The following JARID2 variants were observed in gnomAD, a reference collection of about 807,000 sequenced individuals.
JARID2 encodes the protein jumonji and AT-rich interaction domain containing 2.
JARID2 carries 21 observed loss-of-function variants against 125.6 expected under a neutral mutation model. That is an observed-to-expected ratio of 0.17 (90% CI 0.12 to 0.24). The LOEUF (loss-of-function observed/expected upper bound fraction) is 0.24. Ranked by LOEUF, JARID2 falls within the 10% of genes least tolerant of loss-of-function variation. The pLI, the probability that JARID2 is intolerant of heterozygous loss-of-function variation, is 1.00. For missense variants in JARID2, 1,303 were observed against 1,639.6 expected (o/e 0.79, Z 3.55); for synonymous variants, 736 against 661.6 (o/e 1.11, Z -1.73).
intron 6 of JARID2, among the ~76,000 whole-genome samples, chr6:15,491,441 G>C (rs1770145898): frequency 6.6e-6 from 1 of 152,208 alleles, no homozygotes; most frequent in Middle Eastern, 3.2e-3. Context: ...TTTCGCTTCT[G>C]TTTAGGCTCT....
chr6:15,317,818 G>A (rs1028410908), intron 1 of JARID2, among the ~76,000 whole-genome samples: 2 of 152,182 alleles, frequency 1.3e-5, no homozygotes, highest in Admixed American at 6.5e-5. Context: ...CAGCTGGCGC[G>A]TGGAGAGCCG....
At chr6:15,497,316 T>C (rs1770497674) in intron 7 of JARID2, 146 bp downstream of exon 7, 2 of 673,180 alleles carry the variant, frequency 3.0e-6, no homozygotes, top group African/African-American at 3.6e-5. Context: ...TCTCAGCTCA[T>C]TCCCCCTGCA....
chr6:15,379,631 C>T (rs1158149682), intron 2 of JARID2, among the ~76,000 whole-genome samples: 2 of 152,210 alleles, frequency 1.3e-5, no homozygotes, highest in Non-Finnish European at 2.9e-5. Context: ...GATTCATTTC[C>T]TTAAACTTAC....
chr6:15,384,870 T>G (rs1764726128), intron 2 of JARID2, among the ~76,000 whole-genome samples: 1 of 152,150 alleles, frequency 6.6e-6, no homozygotes, highest in Admixed American at 6.5e-5. Flanking sequence ...ACTTCACTAG[T>G]CCTTAGTGAA....
At chr6:15,301,794 G>C (rs1761634116) in intron 1 of JARID2, among the ~76,000 whole-genome samples, 1 of 152,174 alleles carries the variant, frequency 6.6e-6, no homozygotes, top group African/African-American at 2.4e-5. Flanking sequence ...TGGTATGTTG[G>C]TAAACATGTT....
intron 1 of JARID2, among the ~76,000 whole-genome samples, chr6:15,372,895 G>T (rs1183911502): frequency 6.6e-6 from 1 of 151,820 alleles, no homozygotes; most frequent in Non-Finnish European, 1.5e-5. Flanking sequence ...TTTTAGTAGA[G>T]ATGGGATTTC....
At chr6:15,472,373 C>A (rs769263924) in intron 5 of JARID2, among the ~76,000 whole-genome samples, 1 of 152,164 alleles carries the variant, frequency 6.6e-6, no homozygotes, top group Non-Finnish European at 1.5e-5. Context: ...ACTAACTTCA[C>A]TGAAATGTAC....
intron 1 of JARID2, among the ~76,000 whole-genome samples, chr6:15,346,704 G>A (rs10452596): frequency 1.0e-3 from 154 of 151,652 alleles, no homozygotes; most frequent in African/African-American, 3.3e-3. Context: ...TGACCAGCTT[G>A]TAGTGGTCAA....
chr6:15,392,594 G>A (rs192434157), intron 2 of JARID2, among the ~76,000 whole-genome samples: 13 of 151,142 alleles, frequency 8.6e-5, no homozygotes, highest in Admixed American at 7.3e-4. Flanking sequence ...TGTTGGAAAC[G>A]TTCTGTGTCT....
At chr6:15,401,934 T>C (rs916571072) in intron 2 of JARID2, among the ~76,000 whole-genome samples, 5 of 147,376 alleles carry the variant, frequency 3.4e-5, no homozygotes, top group East Asian at 2.1e-4. Context: ...TTGAATGGAC[T>C]ACTTAATCCT....
intron 3 of JARID2, among the ~76,000 whole-genome samples, chr6:15,450,461 C>T (rs532176022): frequency 2.0e-5 from 3 of 152,144 alleles, no homozygotes; most frequent in Non-Finnish European, 4.4e-5. Context: ...TGAACCACTG[C>T]GCCCGGCACT....
At chr6:15,452,970 C>CT (rs1195590942) in intron 4 of JARID2, among the ~76,000 whole-genome samples, 2 of 152,132 alleles carry the variant, frequency 1.3e-5, no homozygotes, top group South Asian at 2.1e-4. Flanking sequence ...GTGGGAAAAC[C>CT]TTGAGGTTCA....
intron 13 of JARID2, 60 bp downstream of exon 13, chr6:15,511,461 A>G (rs1027477134): frequency 3.9e-5 from 44 of 1,119,890 alleles, no homozygotes; most frequent in East Asian, 7.1e-5. Flanking sequence ...GCACTTGAAC[A>G]TGGTTTCCCA....
chr6:15,423,738 G>GGA (rs1323949943), intron 3 of JARID2, among the ~76,000 whole-genome samples: 1 of 152,192 alleles, frequency 6.6e-6, no homozygotes, highest in Non-Finnish European at 1.5e-5. Flanking sequence ...GCAGGATGCT[G>GGA]GAGAAGCTTG....
intron 1 of JARID2, among the ~76,000 whole-genome samples, chr6:15,275,669 T>C (rs1365478526): frequency 6.6e-6 from 1 of 152,022 alleles, no homozygotes; most frequent in African/African-American, 2.4e-5. Context: ...CATTATTAAA[T>C]AGTGAATTTA....
At chr6:15,415,143 A>G (rs1766082989) in intron 3 of JARID2, among the ~76,000 whole-genome samples, 1 of 152,246 alleles carries the variant, frequency 6.6e-6, no homozygotes, top group Non-Finnish European at 1.5e-5. Context: ...AAGGTCACCG[A>G]TCAACAGGAT....
chr6:15,438,996 C>T (rs1308802207), intron 3 of JARID2, among the ~76,000 whole-genome samples: 3 of 150,014 alleles, frequency 2.0e-5, no homozygotes, highest in South Asian at 4.2e-4. Flanking sequence ...CACGCCACTG[C>T]ACTCCAGCCT....
At chr6:15,492,221 GAGA>G (rs1770184320) in intron 6 of JARID2, among the ~76,000 whole-genome samples, 1 of 152,240 alleles carries the variant, frequency 6.6e-6, no homozygotes. Flanking sequence ...ACAGAGCTGA[GAGA>G]AGGAGTAACT....
intron 1 of JARID2, among the ~76,000 whole-genome samples, chr6:15,322,423 C>G (rs1162161530): frequency 1.3e-5 from 2 of 152,200 alleles, no homozygotes; most frequent in Non-Finnish European, 2.9e-5. Flanking sequence ...TGTTTTATCA[C>G]CCAGTGTGTT....
Sources: allele counts gnomAD v4.1 joint callset (sites outside exome capture counted in the v4.1 genomes callset), GRCh38; gene constraint gnomAD v4.1.1; transcripts MANE v1.5; gene names NCBI Gene and HGNC (gene_info 2026-07-23, HGNC 2026-07-21).